Variants in TENM2 observed in about 807,000 individuals in gnomAD.
TENM2 encodes the protein teneurin-2.
TENM2 carries 52 observed loss-of-function variants against 245.2 expected under a neutral mutation model. That is an observed-to-expected ratio of 0.21 (90% CI 0.17 to 0.27). TENM2 has a LOEUF of 0.27. TENM2 is among the 10% of genes least tolerant of loss of function. The pLI, the probability that TENM2 is intolerant of heterozygous loss-of-function variation, is 1.00. For missense variants in TENM2, 3,046 were observed against 3,666.8 expected (o/e 0.83, Z 4.37); for synonymous variants, 1,363 against 1,438.9 (o/e 0.95, Z 1.19).
Position 168,244,269 on chromosome 5 carries a change from A to C in TENM2, c.5521-151A>C. ...GCCATTTTCTATCTGTGCCATGATA[A>C]GGAGCTTAGAAAGCACTACTCTAAC... On this transcript the variant is annotated intron_variant, in intron 25 of 28. Coordinates refer to ENST00000518659, the Ensembl canonical transcript of TENM2. This position sits in a 1 kb window ranked among gnomAD's most constrained non-coding sequence, Gnocchi z 4.9. The C allele has an allele frequency of 3.2e-6, 2 of 628,502 alleles. No homozygotes were observed. The highest frequency in any genetic ancestry group is 4.8e-6 in the Non-Finnish European group (2 of 413,472). The allele number at this position is 628,502 out of a possible 1,614,324, so 38.9% of individuals were successfully genotyped here.
intron 5 of TENM2, among the ~76,000 whole-genome samples, chr5:167,996,369 G>T (rs1308989685): frequency 6.6e-6 from 1 of 152,094 alleles, no homozygotes; most frequent in Non-Finnish European, 1.5e-5. Flanking sequence ...AAACATCCTG[G>T]AATAAATTAC....
chr5:167,861,477 C>A (rs558312217), intron 2 of TENM2, among the ~76,000 whole-genome samples: 4 of 152,310 alleles, frequency 2.6e-5, no homozygotes, highest in Admixed American at 6.5e-5. Context: ...AAGAGCCAAG[C>A]CTTACATCGT....
chr5:167,339,785 G>A (rs1266194543), intron 1 of TENM2, among the ~76,000 whole-genome samples: 1 of 151,978 alleles, frequency 6.6e-6, no homozygotes, highest in Non-Finnish European at 1.5e-5. Flanking sequence ...AGGGCTTGAT[G>A]GAGATAGTTT....
chr5:168,021,998 A>T (rs1307271279), intron 5 of TENM2, among the ~76,000 whole-genome samples: 1 of 152,242 alleles, frequency 6.6e-6, no homozygotes, highest in Admixed American at 6.5e-5. Flanking sequence ...TGCATTTTGC[A>T]GATGGGAACA....
Position 167,789,997 on chromosome 5 carries a change from G to A in TENM2, c.503-85989G>A, listed in dbSNP as rs569743373. Among the ~76,000 whole-genome samples, 13 of 152,308 alleles carry A rather than the reference G, an allele frequency of 8.5e-5. No individual in the cohort carries two copies. In the East Asian group the frequency reaches 2.1e-3, roughly 25 times the overall value. The stretch of plus-strand genomic sequence containing the variant: ...GGACTAGATCCCATTAGAGTTTACA[G>A]ATAAAGAAATGACATCAAGACAGTT... On this transcript the variant is annotated intron_variant, in intron 2 of 28. Transcript: ENST00000518659.
chr5:167,359,829 G>C (rs901149956), intron 1 of TENM2, among the ~76,000 whole-genome samples: 1 of 152,146 alleles, frequency 6.6e-6, no homozygotes, highest in Non-Finnish European at 1.5e-5. Context: ...GGAATACTAT[G>C]CAGCCATAAA....
intron 1 of TENM2, among the ~76,000 whole-genome samples, chr5:167,327,174 G>C (rs111674540): frequency 0.036 from 5,451 of 151,174 alleles, 338 homozygotes; most frequent in African/African-American, 0.13. Context: ...ATCCCTCCCC[G>C]CTCCCCGCAT....
intron 12 of TENM2, among the ~76,000 whole-genome samples, chr5:168,139,320 T>C (rs1056362470): frequency 6.6e-6 from 1 of 152,228 alleles, no homozygotes; most frequent in Non-Finnish European, 1.5e-5. Flanking sequence ...CCTCTGTATA[T>C]GGCACAACTT....
At chr5:167,507,134 A>G (rs1198181731) in intron 2 of TENM2, among the ~76,000 whole-genome samples, 2 of 152,344 alleles carry the variant, frequency 1.3e-5, no homozygotes, top group East Asian at 3.9e-4. Flanking sequence ...AACCAATTGT[A>G]ATCTTGTTAA....
intron 4 of TENM2, among the ~76,000 whole-genome samples, chr5:167,963,529 A>C (rs1043405928): frequency 6.6e-6 from 1 of 152,210 alleles, no homozygotes; most frequent in Non-Finnish European, 1.5e-5. Context: ...CCATTTTTGA[A>C]AATGTGGTGT....
chr5:168,011,421 G>A (rs1785212002), intron 5 of TENM2, among the ~76,000 whole-genome samples: 1 of 152,194 alleles, frequency 6.6e-6, no homozygotes, highest in African/African-American at 2.4e-5. Flanking sequence ...GACCAGATAT[G>A]CTGCTAAACA....
chr5:167,802,613 A>C (rs185705551), intron 2 of TENM2, among the ~76,000 whole-genome samples: 134 of 152,254 alleles, frequency 8.8e-4, no homozygotes, highest in African/African-American at 3.0e-3. Context: ...GCATGTCAGA[A>C]TATTTTGTTG....
At chr5:168,195,357 G>A (rs375902225) in intron 15 of TENM2, 62 bp downstream of exon 17, 40 of 1,540,286 alleles carry the variant, frequency 2.6e-5, no homozygotes, top group African/African-American at 4.1e-5. Context: ...AGGGACAGAC[G>A]GTGCTGTTGG....
chr5:167,102,908 C>T, the TENM2 span, among the ~76,000 whole-genome samples: 44 of 152,336 alleles, frequency 2.9e-4, no homozygotes, highest in African/African-American at 9.6e-4. Flanking sequence ...GATCTGCCCA[C>T]CTCGGCCTCC....
chr5:167,461,852 T>C (rs1158177700), intron 2 of TENM2, among the ~76,000 whole-genome samples: 2 of 152,208 alleles, frequency 1.3e-5, no homozygotes, highest in Admixed American at 6.5e-5. Context: ...AAGTTAATAT[T>C]CTTGCTAATT....
chr5:167,294,848 A>C (rs181413325), intron 1 of TENM2, among the ~76,000 whole-genome samples: 16 of 152,294 alleles, frequency 1.1e-4, no homozygotes, highest in Non-Finnish European at 1.8e-4. Flanking sequence ...CAATTGCAAA[A>C]ATATCACGGA....
At chr5:167,809,272 T>A (rs1257539865) in intron 2 of TENM2, among the ~76,000 whole-genome samples, 2 of 152,202 alleles carry the variant, frequency 1.3e-5, no homozygotes, top group African/African-American at 2.4e-5. Flanking sequence ...CATACACTGA[T>A]CACTGTTTCA....
rs576869314 is a variant in TENM2, at chr5:167,578,257, G to A, written c.502+202784G>A. ...TTCTTCCGTTAAATTGCAGCCTTAC[G>A]GAGGTATTGCTACCAGTAGCCTATA... On this transcript the variant is annotated intron_variant, in intron 2 of 28. Transcript: ENST00000518659. 6.6e-5 allele frequency among the ~76,000 whole-genome samples: 10 copies of A among 152,298 alleles called. No individual in the cohort carries two copies. In the East Asian group the frequency reaches 7.7e-4, roughly 12 times the overall value.
At chr5:167,421,339 T>C (rs1316879784) in intron 2 of TENM2, among the ~76,000 whole-genome samples, 2 of 152,220 alleles carry the variant, frequency 1.3e-5, no homozygotes, top group African/African-American at 2.4e-5. Flanking sequence ...TATATTGAAA[T>C]TAACATTTCC....
Sources: gnomAD v4.1 joint callset for allele counts (sites outside exome capture counted in the v4.1 genomes callset) on GRCh38, gnomAD v4.1.1 for gene constraint, Gnocchi (gnomAD v3.1) non-coding constraint, MANE v1.5 for transcripts, NCBI Gene and HGNC (gene_info 2026-07-23, HGNC 2026-07-21) for gene names.